The following DNER variants were observed in gnomAD, a reference collection of about 807,000 sequenced individuals.
The protein encoded by DNER is delta and Notch-like epidermal growth factor-related receptor.
Under a neutral mutation model 78.2 loss-of-function variants are expected in DNER, and 33 were observed. That is an observed-to-expected ratio of 0.42 (90% CI 0.32 to 0.56). DNER has a LOEUF of 0.56. Ranked by LOEUF, DNER falls within the 20% of genes least tolerant of loss-of-function variation. The pLI, the probability that DNER is intolerant of heterozygous loss-of-function variation, is 0.11. For synonymous variants in DNER, 417 were observed against 384.8 expected, an observed-to-expected ratio of 1.08 and a Z score of -0.98; for missense variants, 918 against 975.3, an observed-to-expected ratio of 0.94 and a Z score of 0.78.
chr2:229,538,825 C>A (rs1046415816), intron 5 of DNER, among the ~76,000 whole-genome samples: 15 of 152,168 alleles, frequency 9.9e-5, no homozygotes, highest in African/African-American at 3.6e-4. Flanking sequence ...AGGCGTGAGC[C>A]CCCGTGCCCG....
intron 12 of DNER, among the ~76,000 whole-genome samples, chr2:229,364,342 T>C (rs1692290999): frequency 6.6e-6 from 1 of 152,056 alleles, no homozygotes; most frequent in Non-Finnish European, 1.5e-5. Flanking sequence ...AAACCTCAAA[T>C]GTTAATGAGG....
intron 8 of DNER, among the ~76,000 whole-genome samples, chr2:229,437,072 C>A (rs1694137397): frequency 6.6e-6 from 1 of 152,024 alleles, no homozygotes; most frequent in Non-Finnish European, 1.5e-5. Context: ...ACAATGATAC[C>A]CATAGGCCAA....
intron 7 of DNER, among the ~76,000 whole-genome samples, chr2:229,456,215 A>G (rs1694569343): frequency 6.6e-6 from 1 of 151,912 alleles, no homozygotes; most frequent in Admixed American, 6.6e-5. Context: ...ACAGGGTGAG[A>G]GCAAGAGCAA....
intron 2 of DNER, among the ~76,000 whole-genome samples, chr2:229,589,112 C>A (rs1387226035): frequency 6.6e-6 from 1 of 152,154 alleles, no homozygotes; most frequent in East Asian, 1.9e-4. Context: ...GGGGGGAGGA[C>A]TGTGCTCATC....
chr2:229,497,899 C>T (rs546488471), intron 6 of DNER, among the ~76,000 whole-genome samples: 1 of 152,104 alleles, frequency 6.6e-6, no homozygotes, highest in African/African-American at 2.4e-5. Context: ...GAGCTAATAC[C>T]AATTTTTCTC....
Position 229,653,217 on chromosome 2 carries a change from T to C in DNER, c.276+60931A>G, listed in dbSNP as rs562822399. On this transcript the variant is annotated intron_variant, in intron 1 of 12. Transcript: ENST00000341772. ...CGGGGAGAAAATCACCAGCCATTTC[T>C]GGCTTTGGGAGGCAGCCGCCTCTGC... is the stretch of plus-strand genomic sequence containing the variant. 1.1e-4 allele frequency among the ~76,000 whole-genome samples: 17 copies of C among 152,360 alleles called. No homozygotes were observed. The South Asian group carries it at 3.5e-3, about 32-fold the overall frequency.
intron 4 of DNER, among the ~76,000 whole-genome samples, chr2:229,571,773 G>C (rs1697222299): frequency 6.6e-6 from 1 of 151,842 alleles, no homozygotes; most frequent in South Asian, 2.1e-4. Flanking sequence ...TCTTGATTCT[G>C]CCACCTTGTT....
chr2:229,465,914 G>A (rs373461348), intron 7 of DNER, among the ~76,000 whole-genome samples: 11 of 151,952 alleles, frequency 7.2e-5, no homozygotes, highest in African/African-American at 2.2e-4. Context: ...AAAACTTGTC[G>A]AAAACTGGTG....
intron 1 of DNER, among the ~76,000 whole-genome samples, chr2:229,673,643 C>T (rs1165546123): frequency 1.3e-5 from 2 of 152,202 alleles, no homozygotes; most frequent in Non-Finnish European, 2.9e-5. Context: ...AGACCCATGG[C>T]CGATCATTCC....
intron 7 of DNER, among the ~76,000 whole-genome samples, chr2:229,474,035 A>G (rs962055502): frequency 2.0e-5 from 3 of 152,112 alleles, no homozygotes; most frequent in African/African-American, 7.2e-5. Flanking sequence ...CCTCCCAAGT[A>G]GCTGGGATTA....
chr2:229,374,259 G>GC (rs1281827929), intron 11 of DNER, among the ~76,000 whole-genome samples: 5 of 151,958 alleles, frequency 3.3e-5, no homozygotes, highest in African/African-American at 9.7e-5. Context: ...GAAAGGAAGG[G>GC]GGGAAATGGT....
chr2:229,358,532 A>T lies in DNER; in HGVS notation c.*8T>A. The T allele has an allele frequency of 6.3e-7, 1 of 1,596,168 alleles. No individual in the cohort carries two copies. Among genetic ancestry groups the T allele is most frequent in the Non-Finnish European group, 8.5e-7 (1 of 1,171,782 alleles). ...TCTCATCTTTTTGAAAAATAATCCAAAAAAAGATTACAAATCTTTAGTTTT... is the reference window on the plus strand; with the variant it reads ...TCTCATCTTTTTGAAAAATAATCCATAAAAAGATTACAAATCTTTAGTTTT... On this transcript the variant is annotated 3_prime_UTR_variant, in exon 13 of 13. Transcript: ENST00000341772.
chr2:229,454,825 TC>T (rs1273227166), intron 7 of DNER, among the ~76,000 whole-genome samples: 1 of 152,072 alleles, frequency 6.6e-6, no homozygotes, highest in Non-Finnish European at 1.5e-5. Context: ...TGCTAGCATA[TC>T]TCAGTATATA....
At chr2:229,500,460 GA>G (rs1465710954) in intron 6 of DNER, among the ~76,000 whole-genome samples, 1 of 152,144 alleles carries the variant, frequency 6.6e-6, no homozygotes, top group Non-Finnish European at 1.5e-5. Context: ...TAACTATTAT[GA>G]AAAACAGTAT....
At chr2:229,391,620 C>A (rs1219947290) in intron 10 of DNER, among the ~76,000 whole-genome samples, 1 of 152,168 alleles carries the variant, frequency 6.6e-6, no homozygotes, top group Non-Finnish European at 1.5e-5. Context: ...CGGCTCACTG[C>A]AACCTCCGCC....
intron 7 of DNER, among the ~76,000 whole-genome samples, chr2:229,463,985 C>T (rs1694753457): frequency 6.6e-6 from 1 of 152,182 alleles, no homozygotes. Flanking sequence ...TGCGTGGCAC[C>T]AGCTCTAACT....
intron 1 of DNER, among the ~76,000 whole-genome samples, chr2:229,680,469 GC>G (rs1378078193): frequency 6.6e-6 from 1 of 152,156 alleles, no homozygotes; most frequent in African/African-American, 2.4e-5. Context: ...AAGAACCACT[GC>G]CCCCCAGATG....
chr2:229,566,870 A>T (rs145881229), intron 4 of DNER, among the ~76,000 whole-genome samples: 1 of 152,228 alleles, frequency 6.6e-6, no homozygotes, highest in East Asian at 1.9e-4. Context: ...ATATATTTTC[A>T]CTGGGATCCT....
In DNER at chr2:229,554,869, A is replaced by AGAGAAGAGAAGAGAAGAGAAGAGAC. The variant is rs1696821377; in HGVS notation, c.848-7778_848-7777insGTCTCTTCTCTTCTCTTCTCTTCTC. Among the ~76,000 whole-genome samples the AGAGAAGAGAAGAGAAGAGAAGAGAC allele has an allele frequency of 5.9e-5, 3 of 51,020 alleles. 1 individual carries two copies. Among genetic ancestry groups the AGAGAAGAGAAGAGAAGAGAAGAGAC allele is most frequent in the Non-Finnish European group, 7.7e-5 (2 of 26,086 alleles). The allele number at this position is 51,020 out of a possible 152,430, so 33.5% of individuals were successfully genotyped here. A position where few individuals can be genotyped will look rare whatever the true frequency, so the allele number is the denominator to read the frequency against. The stretch of plus-strand genomic sequence containing the variant: ...GACCCTGAAAGGAAAAGAGAAGAGA[A>AGAGAAGAGAAGAGAAGAGAAGAGAC]GAGAAGAGAAGAGAAGAGAAGAGAA... On this transcript the variant is annotated intron_variant, in intron 4 of 12. Coordinates refer to ENST00000341772, the MANE Select transcript of DNER (RefSeq NM_139072.4).
Sources: allele counts gnomAD v4.1 joint callset (sites outside exome capture counted in the v4.1 genomes callset), GRCh38; gene constraint gnomAD v4.1.1; transcripts MANE v1.5; gene names NCBI Gene and HGNC (gene_info 2026-07-23, HGNC 2026-07-21).